Variants in DMP1 observed in about 807,000 individuals in gnomAD.
DMP1 encodes the protein dentin matrix protein 1.
A neutral mutation model predicts 14.6 loss-of-function variants in DMP1; 20 were observed. That is an observed-to-expected ratio of 1.37 (90% CI 0.96 to 1.99). The LOEUF (loss-of-function observed/expected upper bound fraction) is 1.99. DMP1 is among the 30% of genes most tolerant of loss of function. The probability of loss-of-function intolerance (pLI) is 0.00; values close to 1 mark genes in which losing one functional copy is unlikely to be tolerated. For missense variants in DMP1, 567 were observed against 620.5 expected (o/e 0.91, Z 0.92); for synonymous variants, 197 against 215.3 (o/e 0.91, Z 0.75).
At chr4:87,655,041 C>T (rs762340478) in intron 1 of DMP1, among the ~76,000 whole-genome samples, 2 of 152,134 alleles carry the variant, frequency 1.3e-5, no homozygotes, top group Non-Finnish European at 2.9e-5. Flanking sequence ...AAATGGGAGG[C>T]AGGTTTGAGT....
At chr4:87,650,568 A>G (rs1728508407) in intron 1 of DMP1, among the ~76,000 whole-genome samples, 184 bp downstream of exon 1, 1 of 152,186 alleles carries the variant, frequency 6.6e-6, no homozygotes, top group Admixed American at 6.5e-5. Flanking sequence ...ATGATATGAA[A>G]ATGACATGTT....
intron 3 of DMP1, 156 bp from the exon 4 acceptor site, chr4:87,659,064 G>T (rs1048207492): frequency 1.3e-6 from 1 of 742,752 alleles, no homozygotes; most frequent in African/African-American, 1.8e-5. Context: ...TTTCCTTTTG[G>T]AACCATTTCA....
intron 3 of DMP1, among the ~76,000 whole-genome samples, chr4:87,658,320 T>C (rs1320144589): frequency 6.6e-6 from 1 of 152,212 alleles, no homozygotes; most frequent in Non-Finnish European, 1.5e-5. Flanking sequence ...GCCTTGGGTG[T>C]TCCACACAGG....
intron 1 of DMP1, among the ~76,000 whole-genome samples, chr4:87,653,396 T>G (rs1361758446): frequency 1.9e-5 from 1 of 53,540 alleles, no homozygotes; most frequent in Admixed American, 1.5e-4. Flanking sequence ...GATATATATA[T>G]ATATATATAT....
chr4:87,660,156 C>T (rs181175883), intron 5 of DMP1, among the ~76,000 whole-genome samples: 1 of 152,222 alleles, frequency 6.6e-6, no homozygotes, highest in East Asian at 1.9e-4. Flanking sequence ...AGGCTTTGAT[C>T]CATGTTGCAT....
intron 1 of DMP1, among the ~76,000 whole-genome samples, chr4:87,652,256 G>C (rs778053799): frequency 4.6e-5 from 7 of 152,134 alleles, no homozygotes; most frequent in Non-Finnish European, 1.0e-4. Context: ...TGTAGCTGTG[G>C]TTCACATTTA....
At chr4:87,652,711 T>A (rs539685388) in intron 1 of DMP1, among the ~76,000 whole-genome samples, 8 of 152,160 alleles carry the variant, frequency 5.3e-5, no homozygotes, top group African/African-American at 1.7e-4. Flanking sequence ...CACAATGGCA[T>A]CCCCAGTTTT....
chr4:87,659,484 TAAAC>T lies in DMP1; in HGVS notation c.183+8_183+11del. The T allele has an allele frequency of 1.2e-6, 2 of 1,613,144 alleles. No homozygotes were observed. Among genetic ancestry groups the T allele is most frequent in the Non-Finnish European group, 1.7e-6 (2 of 1,179,140 alleles). ...AAGTTAGCTCAGAGGAACAGGTAAT[TAAAC>T]AGACCTTTCTTAACTTTTCAGGCTA... On this transcript the variant is annotated splice_region_variant and intron_variant, in intron 5 of 5. Coordinates refer to ENST00000339673, the MANE Select transcript of DMP1 (RefSeq NM_004407.4).
At position 87,663,097 on chromosome 4, in the gene DMP1, C is replaced by T. The variant is rs985824172; in HGVS notation, c.1319C>T (p.Ala440Val). The part of the protein sequence containing the change: ...QEGLQSHSSS[A>V]ESQSEESHSE... Reference sequence around the variant, plus strand: ...GGCCTCCAGTCTCACAGCAGCTCAGCAGAGAGTCAGAGCGAGGAAAGCCAT... The same window carrying T: ...GGCCTCCAGTCTCACAGCAGCTCAGTAGAGAGTCAGAGCGAGGAAAGCCAT... Residue 440 changes from alanine to valine, a missense_variant, in exon 6 of 6, where the codon GCA becomes GTA. Coordinates refer to ENST00000339673, the MANE Select transcript of DMP1 (RefSeq NM_004407.4). The T allele has an allele frequency of 6.8e-6, 11 of 1,614,088 alleles. No individual in the cohort carries two copies. Among genetic ancestry groups the T allele is most frequent in the Middle Eastern group, 1.6e-4 (1 of 6,084 alleles).
At chr4:87,655,783 G>A (rs1728672880) in intron 1 of DMP1, among the ~76,000 whole-genome samples, 2 of 152,076 alleles carry the variant, frequency 1.3e-5, no homozygotes, top group Admixed American at 1.3e-4. Context: ...ACATTTGCTA[G>A]GGTGCTCTGC....
chr4:87,655,620 A>C (rs745645325), intron 1 of DMP1, among the ~76,000 whole-genome samples: 6 of 152,086 alleles, frequency 3.9e-5, no homozygotes, highest in African/African-American at 4.8e-5. Context: ...AAAAAAATCT[A>C]TTTTGTGTAG....
Position 87,662,364 on chromosome 4 carries a change from G to T in DMP1, c.586G>T (p.Gly196Cys). 2.5e-6 allele frequency: 4 copies of T among 1,614,140 alleles called. No individual in the cohort carries two copies. Among genetic ancestry groups the T allele is most frequent in the Non-Finnish European group, 3.4e-6 (4 of 1,180,032 alleles). ...ESESEEHWVG[G>C]GSDGESSHGD... ...TGAGAGTGAAGAGCACTGGGTGGGAGGTGGCAGTGATGGGGAGAGCAGCCA... is the reference window on the plus strand; with the variant it reads ...TGAGAGTGAAGAGCACTGGGTGGGATGTGGCAGTGATGGGGAGAGCAGCCA... Residue 196 changes from glycine (G) to cysteine (C), a missense_variant, in exon 6 of 6, where the codon GGT becomes TGT. By Grantham distance (159) the Gly-to-Cys change is radical. Transcript: ENST00000339673.
intron 1 of DMP1, among the ~76,000 whole-genome samples, chr4:87,650,996 T>C (rs995625890): frequency 6.6e-6 from 1 of 152,152 alleles, no homozygotes; most frequent in East Asian, 1.9e-4. Context: ...ATGTTGAATA[T>C]AATTATATTT....
At chr4:87,653,432 T>TATATATAC (rs1728591225) in intron 1 of DMP1, among the ~76,000 whole-genome samples, 2 of 92,976 alleles carry the variant, frequency 2.2e-5, no homozygotes, top group Non-Finnish European at 4.6e-5. Flanking sequence ...TATATATATA[T>TATATATAC]ACTTTTTTTT....
chr4:87,655,822 G>A (rs1488361010), intron 1 of DMP1, among the ~76,000 whole-genome samples: 1 of 152,048 alleles, frequency 6.6e-6, no homozygotes, highest in Non-Finnish European at 1.5e-5. Flanking sequence ...TATTGTAAAA[G>A]GGAATGGATA....
At chr4:87,653,670 C>G (rs758872557) in intron 1 of DMP1, among the ~76,000 whole-genome samples, 23 of 151,742 alleles carry the variant, frequency 1.5e-4, no homozygotes, top group Non-Finnish European at 2.8e-4. Flanking sequence ...CCTGTGCCCA[C>G]CCAAGTGAAT....
rs201982329 is a variant in DMP1, at chr4:87,654,161, A to AG, written c.-21-2305dup. On this transcript the variant is annotated intron_variant, in intron 1 of 5. Coordinates refer to ENST00000339673, the MANE Select transcript of DMP1 (RefSeq NM_004407.4). ...GGGTCTTATGACATACAATTAAACT[A>AG]GGGGGGTCAGAGAATTTCTTTAAGG... Among the ~76,000 whole-genome samples, 404 of 152,240 alleles carry AG rather than the reference A, an allele frequency of 2.7e-3. 14 individuals are homozygous for AG. In the East Asian group the frequency reaches 0.07, roughly 26 times the overall value.
In DMP1 at chr4:87,657,091, T is replaced by C; in HGVS notation, c.102+12T>C. 3.4e-6 allele frequency: 5 copies of C among 1,464,486 alleles called. No individual in the cohort carries two copies. The highest frequency in any genetic ancestry group is 4.8e-6 in the Non-Finnish European group (5 of 1,046,634). 90.7% of individuals were successfully genotyped at this position (1,464,486 alleles called of 1,614,324 possible). A position where few individuals can be genotyped will look rare whatever the true frequency, so the allele number is the denominator to read the frequency against. ...CTGAAGAATGGAAGGTGAGTAGAAA[T>C]ATGACTTTTTGAAATATTTTAATTT... On this transcript the variant is annotated intron_variant, in intron 3 of 5. Coordinates refer to ENST00000339673, the MANE Select transcript of DMP1 (RefSeq NM_004407.4).
intron 1 of DMP1, among the ~76,000 whole-genome samples, chr4:87,655,811 T>G (rs948337882): frequency 1.3e-5 from 2 of 152,158 alleles, no homozygotes; most frequent in African/African-American, 4.8e-5. Context: ...AGCTGCATAA[T>G]TATTGTAAAA....
Sources: allele counts gnomAD v4.1 joint callset (sites outside exome capture counted in the v4.1 genomes callset), GRCh38; gene constraint gnomAD v4.1.1; transcripts MANE v1.5; gene names NCBI Gene and HGNC (gene_info 2026-07-23, HGNC 2026-07-21).